The following KCNIP4 variants were observed in gnomAD, a reference collection of about 807,000 sequenced individuals.
The protein encoded by KCNIP4 is potassium voltage-gated channel interacting protein 4, also known as Kv channel-interacting protein 4.
In KCNIP4, 12 loss-of-function variants were observed where a neutral mutation model predicts 34.0. That is an observed-to-expected ratio of 0.35 (90% CI 0.23 to 0.57). The LOEUF (loss-of-function observed/expected upper bound fraction) is 0.57, where lower values mean the gene tolerates loss of function less well. Among genes scored for constraint, KCNIP4 ranks in the 20% least tolerant of loss-of-function variants. The pLI is 0.83. For missense variants in KCNIP4, 238 were observed against 311.7 expected, an observed-to-expected ratio of 0.76 and a Z score of 1.78; for synonymous variants, 124 against 102.2, an observed-to-expected ratio of 1.21 and a Z score of -1.29.
chr4:21,468,093 A>G (rs1006645051), intron 1 of KCNIP4, among the ~76,000 whole-genome samples: 3 of 152,166 alleles, frequency 2.0e-5, no homozygotes, highest in Non-Finnish European at 4.4e-5. Flanking sequence ...ATATAGGGGT[A>G]GGTAATCACA....
At position 21,177,562 on chromosome 4, in the gene KCNIP4, C is replaced by T. The variant is rs539521225; in HGVS notation, c.62-294853G>A. Among the ~76,000 whole-genome samples the T allele has an allele frequency of 4.9e-4, 74 of 152,160 alleles. 1 individual carries two copies. Among genetic ancestry groups the T allele is most frequent in the Non-Finnish European group, 4.4e-4 (30 of 67,994 alleles). ...TTACATTTGGCAAGGCACAGCGGCT[C>T]ACACCTGTAGGGGTCGCAGCATTCT... On this transcript the variant is annotated intron_variant, in intron 1 of 8. Coordinates refer to ENST00000382152, the MANE Select transcript of KCNIP4 (RefSeq NM_025221.6).
intron 1 of KCNIP4, among the ~76,000 whole-genome samples, chr4:20,931,419 C>T (rs533877636): frequency 1.3e-5 from 2 of 152,170 alleles, no homozygotes; most frequent in East Asian, 3.9e-4. Flanking sequence ...GTGAACAACA[C>T]AGAGTGGACT....
intron 1 of KCNIP4, among the ~76,000 whole-genome samples, chr4:21,568,189 T>C (rs1292586240): frequency 2.0e-5 from 3 of 152,100 alleles, no homozygotes; most frequent in Non-Finnish European, 4.4e-5. Context: ...CCCAAATTCA[T>C]GTGTTGAGTT....
intron 1 of KCNIP4, among the ~76,000 whole-genome samples, chr4:21,725,040 C>G (rs1193626011): frequency 6.6e-6 from 1 of 152,064 alleles, no homozygotes; most frequent in Non-Finnish European, 1.5e-5. Context: ...TATTCCATCT[C>G]TCTATTTAAT....
intron 3 of KCNIP4, among the ~76,000 whole-genome samples, chr4:20,770,813 T>C (rs1015221954): frequency 6.6e-6 from 1 of 151,998 alleles, no homozygotes; most frequent in African/African-American, 2.4e-5. Flanking sequence ...TGCATGCCTG[T>C]AGTCCTGGCT....
chr4:21,721,376 A>C, intron 1 of KCNIP4, among the ~76,000 whole-genome samples: 1 of 152,176 alleles, frequency 6.6e-6, no homozygotes, highest in East Asian at 1.9e-4. Flanking sequence ...TGATTTCTAT[A>C]ATTCCTATAG....
intron 1 of KCNIP4, among the ~76,000 whole-genome samples, chr4:21,622,619 C>A (rs1008852090): frequency 1.3e-5 from 2 of 151,938 alleles, no homozygotes; most frequent in Admixed American, 1.3e-4. Context: ...ATGACTTCTG[C>A]ATATAAAGAA....
At chr4:21,014,571 A>G (rs1375853294) in intron 1 of KCNIP4, among the ~76,000 whole-genome samples, 1 of 152,248 alleles carries the variant, frequency 6.6e-6, no homozygotes, top group African/African-American at 2.4e-5. Flanking sequence ...TTGAGATATT[A>G]TGCAATACCT....
intron 1 of KCNIP4, among the ~76,000 whole-genome samples, chr4:21,837,436 G>A (rs1469708158): frequency 6.8e-6 from 1 of 146,624 alleles, no homozygotes; most frequent in Non-Finnish European, 1.5e-5. Flanking sequence ...TCAGAAGACT[G>A]AGGCAGGAGA....
chr4:21,343,417 A>T (rs751231102), intron 1 of KCNIP4, among the ~76,000 whole-genome samples: 2 of 152,078 alleles, frequency 1.3e-5, no homozygotes, highest in Non-Finnish European at 2.9e-5. Context: ...TACTATGTCA[A>T]CCTCTACCTT....
At chr4:21,651,355 G>A (rs1478467264) in intron 1 of KCNIP4, among the ~76,000 whole-genome samples, 1 of 152,146 alleles carries the variant, frequency 6.6e-6, no homozygotes, top group Non-Finnish European at 1.5e-5. Context: ...GGCATAACAG[G>A]AAATATGGAT....
chr4:21,577,654 AAAC>A (rs1740846838), intron 1 of KCNIP4, among the ~76,000 whole-genome samples: 1 of 149,330 alleles, frequency 6.7e-6, no homozygotes, highest in East Asian at 1.9e-4. Flanking sequence ...ACAAACAAAC[AAAC>A]AAAAAACTGC....
chr4:20,987,722 G>A (rs867162264), intron 1 of KCNIP4, among the ~76,000 whole-genome samples: 11 of 152,026 alleles, frequency 7.2e-5, no homozygotes, highest in East Asian at 1.9e-4. Flanking sequence ...GATATTGGCC[G>A]GGCGCGGTGG....
chr4:21,795,821 A>G (rs999054948), intron 1 of KCNIP4, among the ~76,000 whole-genome samples: 2 of 152,128 alleles, frequency 1.3e-5, no homozygotes, highest in African/African-American at 4.8e-5. Flanking sequence ...TAATCCCAGC[A>G]CTTTGGGAGG....
At position 21,542,585 on chromosome 4, in the gene KCNIP4, G is replaced by C. The variant is rs1737799165; in HGVS notation, c.61+405986C>G. Among the ~76,000 whole-genome samples, 3 of 151,502 alleles carry C rather than the reference G, an allele frequency of 2.0e-5. No individual in the cohort carries two copies. The South Asian group carries it at 6.2e-4, about 31-fold the overall frequency. The stretch of plus-strand genomic sequence containing the variant: ...TATTAAAGAAGTGTGGTAGAATTTA[G>C]ATTAAAGTAATAATACAATGTAAAA... On this transcript the variant is annotated intron_variant, in intron 1 of 8. Transcript: ENST00000382152.
chr4:21,735,005 C>T (rs1715886400), intron 1 of KCNIP4, among the ~76,000 whole-genome samples: 2 of 152,102 alleles, frequency 1.3e-5, no homozygotes, highest in Non-Finnish European at 1.5e-5. Context: ...AATGTTTTCA[C>T]TCATTCATTG....
At chr4:21,592,207 T>C (rs888375780) in intron 1 of KCNIP4, among the ~76,000 whole-genome samples, 8 of 151,948 alleles carry the variant, frequency 5.3e-5, no homozygotes, top group Admixed American at 1.3e-4. Flanking sequence ...ATAACATCTG[T>C]TTTTTTGTGA....
chr4:21,474,450 G>A (rs1475189266), intron 1 of KCNIP4, among the ~76,000 whole-genome samples: 1 of 152,114 alleles, frequency 6.6e-6, no homozygotes, highest in Non-Finnish European at 1.5e-5. Flanking sequence ...TATGCCTCAG[G>A]TTATGATCTT....
At chr4:21,865,852 AC>A (rs957227825) in intron 1 of KCNIP4, among the ~76,000 whole-genome samples, 1 of 151,804 alleles carries the variant, frequency 6.6e-6, no homozygotes, top group Non-Finnish European at 1.5e-5. Flanking sequence ...TGCCTGGCCA[AC>A]AAATGAGACT....
Sources: gnomAD v4.1 joint callset for allele counts (sites outside exome capture counted in the v4.1 genomes callset) on GRCh38, gnomAD v4.1.1 for gene constraint, MANE v1.5 for transcripts, NCBI Gene and HGNC (gene_info 2026-07-23, HGNC 2026-07-21) for gene names.